The following MSRA variants were observed in gnomAD, a reference collection of about 807,000 sequenced individuals.
MSRA encodes the protein methionine sulfoxide reductase A, also known as mitochondrial peptide methionine sulfoxide reductase.
A neutral mutation model predicts 31.3 loss-of-function variants in MSRA; 54 were observed. The observed-to-expected ratio is 1.73, with a 90% confidence interval of 1.39 to 2.17. The LOEUF (loss-of-function observed/expected upper bound fraction) is 2.17. Among genes scored for constraint, MSRA ranks in the 30% most tolerant of loss-of-function variants. The probability of loss-of-function intolerance (pLI) is 0.00; values close to 1 mark genes in which losing one functional copy is unlikely to be tolerated. For synonymous variants in MSRA, 169 were observed against 116.5 expected, an observed-to-expected ratio of 1.45 and a Z score of -2.90; for missense variants, 507 against 300.9, an observed-to-expected ratio of 1.69 and a Z score of -5.07.
chr8:10,142,029 GCT>G (rs1802758362), intron 1 of MSRA, among the ~76,000 whole-genome samples: 1 of 152,180 alleles, frequency 6.6e-6, no homozygotes, highest in South Asian at 2.1e-4. Context: ...CGCGATCTTG[GCT>G]CACCGCAACC....
intron 1 of MSRA, among the ~76,000 whole-genome samples, chr8:10,178,540 A>G (rs1486884191): frequency 2.6e-5 from 4 of 152,266 alleles, no homozygotes; most frequent in Non-Finnish European, 5.9e-5. Flanking sequence ...AAACTACCAC[A>G]GAGTTATAAG....
chr8:10,260,292 C>A (rs972257766), intron 3 of MSRA, among the ~76,000 whole-genome samples: 1 of 152,052 alleles, frequency 6.6e-6, no homozygotes. Flanking sequence ...TGTTTAATAC[C>A]ACCACGCCTG....
Position 10,090,705 on chromosome 8 carries a change from A to C in MSRA, c.142+36047A>C, listed in dbSNP as rs573367099. Among the ~76,000 whole-genome samples, 73 of 152,330 alleles carry C rather than the reference A, an allele frequency of 4.8e-4. 1 individual carries two copies. Among genetic ancestry groups the C allele is most frequent in the African/African-American group, 1.7e-3 (71 of 41,570 alleles). ...TCACTTCCAATTCTTCCCTCTGCCC[A>C]GGTCCCAGCAACCAATAAGCTATGT... On this transcript the variant is annotated intron_variant, in intron 1 of 5. Transcript: ENST00000317173.
At chr8:10,156,537 C>T (rs756323093) in intron 1 of MSRA, among the ~76,000 whole-genome samples, 1 of 152,060 alleles carries the variant, frequency 6.6e-6, no homozygotes, top group Admixed American at 6.5e-5. Context: ...TCGTTTGTTT[C>T]TGTAGGTTTG....
chr8:10,417,330 G>T (rs1260769619), intron 5 of MSRA, among the ~76,000 whole-genome samples: 1 of 151,972 alleles, frequency 6.6e-6, no homozygotes, highest in African/African-American at 2.4e-5. Flanking sequence ...TGACTCACAG[G>T]GGCAATTCCA....
intron 2 of MSRA, among the ~76,000 whole-genome samples, chr8:10,230,532 T>C (rs1811374218): frequency 6.6e-6 from 1 of 152,184 alleles, no homozygotes; most frequent in African/African-American, 2.4e-5. Flanking sequence ...ATGGAAAATA[T>C]ATGAAAATAC....
At chr8:10,337,810 C>G in intron 5 of MSRA, 1 of 702,582 alleles carries the variant, frequency 1.4e-6, no homozygotes. Flanking sequence ...ATTATTAAAG[C>G]AATATTATTA....
At position 10,407,145 on chromosome 8, in the gene MSRA, G is replaced by A. The variant is rs549251600; in HGVS notation, c.544-21003G>A. Among the ~76,000 whole-genome samples the A allele has an allele frequency of 7.9e-5, 12 of 152,354 alleles. 1 individual carries two copies. Among genetic ancestry groups the A allele is most frequent in the African/African-American group, 2.6e-4 (11 of 41,584 alleles). On this transcript the variant is annotated intron_variant, in intron 5 of 5. Transcript: ENST00000317173. ...TCCCGCCTCGGCCTTCTAAAGTGCT[G>A]GGAGTGTAGGCAGAAGCCACCATGC...
intron 5 of MSRA, chr8:10,337,904 G>A (rs1159926363): frequency 6.0e-6 from 4 of 669,638 alleles, no homozygotes; most frequent in Non-Finnish European, 1.1e-5. Flanking sequence ...TATGACAGCA[G>A]GGCTTCGTGT....
chr8:10,238,251 G>C (rs933578777), intron 2 of MSRA, among the ~76,000 whole-genome samples: 15 of 152,158 alleles, frequency 9.9e-5, no homozygotes. Context: ...CCATGGCTTT[G>C]TTTGCAGTCA....
chr8:10,400,645 G>C (rs1252879091), intron 5 of MSRA, among the ~76,000 whole-genome samples: 1 of 152,168 alleles, frequency 6.6e-6, no homozygotes, highest in Non-Finnish European at 1.5e-5. Context: ...GAGTCTGGTT[G>C]CTGAGGTGGT....
intron 5 of MSRA, among the ~76,000 whole-genome samples, chr8:10,403,533 C>T (rs949633452): frequency 2.0e-5 from 3 of 152,134 alleles, no homozygotes; most frequent in Non-Finnish European, 4.4e-5. Context: ...TGGAGGTGCT[C>T]GCTGGGGAAG....
chr8:10,102,396 C>G (rs529275894), intron 1 of MSRA, among the ~76,000 whole-genome samples: 3 of 152,236 alleles, frequency 2.0e-5, no homozygotes, highest in South Asian at 2.1e-4. Context: ...CTATTCTTTT[C>G]TCTGTCATCT....
chr8:10,409,074 G>A (rs956321347), intron 5 of MSRA, among the ~76,000 whole-genome samples: 2 of 152,162 alleles, frequency 1.3e-5, no homozygotes, highest in Non-Finnish European at 2.9e-5. Context: ...TTTCCTTTGG[G>A]CAGATGCCCA....
intron 3 of MSRA, among the ~76,000 whole-genome samples, chr8:10,290,338 C>T (rs1800164372): frequency 2.6e-5 from 4 of 152,004 alleles, no homozygotes; most frequent in Admixed American, 2.6e-4. Context: ...AGAGAGTGCC[C>T]TGTCTTGAAA....
At chr8:10,337,561 C>T in intron 5 of MSRA, 1 of 621,464 alleles carries the variant, frequency 1.6e-6, no homozygotes, top group Admixed American at 2.6e-5. Flanking sequence ...TGATATACAT[C>T]AATCCATGTT....
chr8:10,143,394 T>C (rs1391178774), intron 1 of MSRA, among the ~76,000 whole-genome samples: 11 of 152,200 alleles, frequency 7.2e-5, no homozygotes. Context: ...TTGCCTGGTA[T>C]GGCATCCCAG....
At chr8:10,418,838 A>AAAAAC (rs1563459639) in intron 5 of MSRA, among the ~76,000 whole-genome samples, 28 of 69,372 alleles carry the variant, frequency 4.0e-4, no homozygotes, top group African/African-American at 1.2e-3. Context: ...AAAAAAAAAA[A>AAAAAC]CCAACAAAAA....
At chr8:10,322,381 G>A (rs1388863637) in intron 5 of MSRA, among the ~76,000 whole-genome samples, 1 of 152,044 alleles carries the variant, frequency 6.6e-6, no homozygotes, top group African/African-American at 2.4e-5. Context: ...AAGTATGGGT[G>A]GGAGGGAGGG....
Sources: allele counts gnomAD v4.1 joint callset (sites outside exome capture counted in the v4.1 genomes callset), GRCh38; gene constraint gnomAD v4.1.1; transcripts MANE v1.5; gene names NCBI Gene and HGNC (gene_info 2026-07-23, HGNC 2026-07-21).